NDST4: variants seen among roughly 807,000 people sequenced by gnomAD.
The protein encoded by NDST4 is N-deacetylase and N-sulfotransferase 4.
Under a neutral mutation model 100.8 loss-of-function variants are expected in NDST4, and 63 were observed. The ratio of observed to expected loss-of-function variants is 0.62; its 90% confidence interval spans 0.51 to 0.77. The LOEUF (loss-of-function observed/expected upper bound fraction) is 0.77. NDST4 is among the 30% of genes least tolerant of loss of function. NDST4 has a pLI of 0.00. For synonymous variants in NDST4, 377 were observed against 361.8 expected, an observed-to-expected ratio of 1.04 and a Z score of -0.48; for missense variants, 943 against 1,018.4, an observed-to-expected ratio of 0.93 and a Z score of 1.01.
At chr4:114,981,192 C>T (rs919720691) in intron 2 of NDST4, among the ~76,000 whole-genome samples, 14 of 140,738 alleles carry the variant, frequency 9.9e-5, no homozygotes, top group East Asian at 6.2e-4. Flanking sequence ...TCTGACAAAG[C>T]GAAAGAAAGA....
At chr4:114,881,686 G>A (rs1451879615) in intron 6 of NDST4, among the ~76,000 whole-genome samples, 1 of 152,044 alleles carries the variant, frequency 6.6e-6, no homozygotes, top group Non-Finnish European at 1.5e-5. Context: ...TTCTAGCCTT[G>A]AGTATTTGCC....
chr4:114,889,959 C>T (rs1578368284), intron 6 of NDST4, among the ~76,000 whole-genome samples: 2 of 152,092 alleles, frequency 1.3e-5, no homozygotes, highest in African/African-American at 4.8e-5. Context: ...AATATATTCG[C>T]ACGAAGGGAC....
At chr4:114,843,123 T>C (rs898740939) in intron 10 of NDST4, among the ~76,000 whole-genome samples, 3 of 152,222 alleles carry the variant, frequency 2.0e-5, no homozygotes, top group African/African-American at 7.2e-5. Context: ...AAAAAGTTTG[T>C]TACTGATTGA....
chr4:114,864,197 C>G (rs1258307667), intron 7 of NDST4, among the ~76,000 whole-genome samples: 1 of 152,156 alleles, frequency 6.6e-6, no homozygotes, highest in Non-Finnish European at 1.5e-5. Flanking sequence ...TTCTAGATAA[C>G]TAGGACATTT....
Position 114,965,024 on chromosome 4 carries a change from ATTT to A in NDST4, c.1221+5403_1221+5405del, listed in dbSNP as rs576168459. On this transcript the variant is annotated intron_variant, in intron 4 of 13. Transcript: ENST00000264363. ...TGTGGATCCACTCTTGAGTGTAAAGATTTTTTTATTTGTTATTGAACCTCCAAA... is the reference window on the plus strand; with the variant it reads ...TGTGGATCCACTCTTGAGTGTAAAGATTTTATTTGTTATTGAACCTCCAAA... Among the ~76,000 whole-genome samples the A allele has an allele frequency of 7.9e-5, 12 of 151,930 alleles. 1 individual carries two copies. The highest frequency in any genetic ancestry group is 1.3e-4 in the Non-Finnish European group (9 of 67,942).
At chr4:114,907,386 A>T (rs1724975259) in intron 6 of NDST4, among the ~76,000 whole-genome samples, 1 of 152,156 alleles carries the variant, frequency 6.6e-6, no homozygotes, top group Non-Finnish European at 1.5e-5. Context: ...CCGTCTATTT[A>T]AAAATACGGT....
intron 2 of NDST4, among the ~76,000 whole-genome samples, chr4:115,069,819 G>T (rs1022557275): frequency 6.6e-6 from 1 of 152,166 alleles, no homozygotes; most frequent in African/African-American, 2.4e-5. Flanking sequence ...GGAGGTGGAG[G>T]TTGCAGTGAG....
chr4:114,840,273 C>G (rs1231012396), intron 10 of NDST4, among the ~76,000 whole-genome samples: 1 of 152,112 alleles, frequency 6.6e-6, no homozygotes, highest in South Asian at 2.1e-4. Context: ...ATTGGTCAAA[C>G]AGGAAAGGGC....
intron 2 of NDST4, among the ~76,000 whole-genome samples, chr4:114,981,346 CA>C (rs1290578107): frequency 5.3e-5 from 8 of 152,216 alleles, no homozygotes; most frequent in African/African-American, 1.9e-4. Context: ...TAATGGTATT[CA>C]AACTTTATTA....
At chr4:115,111,040 A>G (rs923190039) in intron 1 of NDST4, among the ~76,000 whole-genome samples, 1 of 151,946 alleles carries the variant, frequency 6.6e-6, no homozygotes, top group Non-Finnish European at 1.5e-5. Flanking sequence ...TAGTTTGAAC[A>G]CAGTATGCTA....
intron 2 of NDST4, among the ~76,000 whole-genome samples, chr4:114,998,715 T>C (rs1727218143): frequency 6.6e-6 from 1 of 152,026 alleles, no homozygotes; most frequent in South Asian, 2.1e-4. Context: ...GCCCCTAAAC[T>C]TTATCAATAG....
At chr4:114,935,849 T>G (rs1725618529) in intron 5 of NDST4, among the ~76,000 whole-genome samples, 1 of 152,206 alleles carries the variant, frequency 6.6e-6, no homozygotes, top group Admixed American at 6.5e-5. Context: ...TAGTGATTAC[T>G]TCTGGTATAT....
chr4:114,864,546 G>A (rs1236133568), intron 7 of NDST4, among the ~76,000 whole-genome samples: 3 of 152,098 alleles, frequency 2.0e-5, no homozygotes, highest in East Asian at 1.9e-4. Context: ...ACACTGATGA[G>A]GAAGTTTAAT....
intron 2 of NDST4, among the ~76,000 whole-genome samples, chr4:115,031,191 G>C (rs1728107691): frequency 6.6e-6 from 1 of 152,092 alleles, no homozygotes; most frequent in South Asian, 2.1e-4. Context: ...GGTGATGAGA[G>C]AAAGGGGAGT....
chr4:115,006,372 G>A (rs1727417302), intron 2 of NDST4, among the ~76,000 whole-genome samples: 1 of 151,972 alleles, frequency 6.6e-6, no homozygotes, highest in Non-Finnish European at 1.5e-5. Flanking sequence ...ATGAATAGAA[G>A]CTGAATCAGC....
chr4:115,050,514 A>G, intron 2 of NDST4, among the ~76,000 whole-genome samples: 1 of 152,116 alleles, frequency 6.6e-6, no homozygotes, highest in Admixed American at 6.6e-5. Context: ...AGAAATATTC[A>G]TGGTATTTAT....
At chr4:115,031,718 T>A (rs1011276209) in intron 2 of NDST4, among the ~76,000 whole-genome samples, 1 of 152,092 alleles carries the variant, frequency 6.6e-6, no homozygotes, top group African/African-American at 2.4e-5. Context: ...TCCTAGTAAT[T>A]ATATGCAAAA....
chr4:114,959,118 C>T (rs1218201119), intron 4 of NDST4, among the ~76,000 whole-genome samples: 1 of 152,148 alleles, frequency 6.6e-6, no homozygotes, highest in African/African-American at 2.4e-5. Context: ...CCATCTGAGA[C>T]CACTTCAGAC....
At chr4:114,844,487 T>C (rs1029230170) in intron 10 of NDST4, among the ~76,000 whole-genome samples, 2 of 152,196 alleles carry the variant, frequency 1.3e-5, no homozygotes, top group Admixed American at 6.5e-5. Context: ...ATCCAATGCG[T>C]TTAACATATA....
Sources: allele counts gnomAD v4.1 joint callset (sites outside exome capture counted in the v4.1 genomes callset), GRCh38; gene constraint gnomAD v4.1.1; transcripts MANE v1.5; gene names NCBI Gene and HGNC (gene_info 2026-07-23, HGNC 2026-07-21).